Variants in NR1H4 observed in about 807,000 individuals in gnomAD.
NR1H4 encodes nuclear receptor subfamily 1 group H member 4.
Under a neutral mutation model 58.5 loss-of-function variants are expected in NR1H4, and 23 were observed. That is an observed-to-expected ratio of 0.39 (90% CI 0.28 to 0.56). The LOEUF (loss-of-function observed/expected upper bound fraction) is 0.56. NR1H4 is among the 20% of genes least tolerant of loss of function. The pLI is 0.58. For synonymous variants in NR1H4, 214 were observed against 198.0 expected (o/e 1.08, Z -0.68); for missense variants, 487 against 576.9 (o/e 0.84, Z 1.60).
At chr12:100,534,117 C>T (rs1954759496) in intron 5 of NR1H4, among the ~76,000 whole-genome samples, 1 of 151,026 alleles carries the variant, frequency 6.6e-6, no homozygotes, top group East Asian at 1.9e-4. Context: ...AGGATGGTCT[C>T]GATCTCCTGA....
chr12:100,523,774 T>C (rs1954486775), intron 4 of NR1H4, among the ~76,000 whole-genome samples: 1 of 152,234 alleles, frequency 6.6e-6, no homozygotes, highest in Non-Finnish European at 1.5e-5. Context: ...CCCAATTCTT[T>C]ATTCAGCAAA....
intron 1 of NR1H4, among the ~76,000 whole-genome samples, chr12:100,476,249 G>T (rs1233586281): frequency 1.3e-5 from 2 of 152,066 alleles, no homozygotes; most frequent in Admixed American, 6.6e-5. Context: ...GGCGAGGGGG[G>T]ACCAGCCGTT....
chr12:100,527,584 C>T (rs1457042867), intron 4 of NR1H4, among the ~76,000 whole-genome samples: 3 of 152,064 alleles, frequency 2.0e-5, no homozygotes, highest in Non-Finnish European at 4.4e-5. Context: ...AGGTTCACAT[C>T]TAAACTCTAC....
chr12:100,502,461 G>C (rs899213547), intron 3 of NR1H4, among the ~76,000 whole-genome samples: 4 of 152,114 alleles, frequency 2.6e-5, no homozygotes, highest in Non-Finnish European at 5.9e-5. Flanking sequence ...CTCTCTGTGT[G>C]TTCACATCAA....
intron 9 of NR1H4, among the ~76,000 whole-genome samples, chr12:100,560,050 G>T (rs1275196463): frequency 1.3e-5 from 2 of 152,070 alleles, no homozygotes; most frequent in Non-Finnish European, 2.9e-5. Context: ...CTCAAGGTTT[G>T]TGAATGCACC....
intron 1 of NR1H4, among the ~76,000 whole-genome samples, chr12:100,486,389 A>G (rs1343229806): frequency 6.6e-6 from 1 of 152,228 alleles, no homozygotes; most frequent in Non-Finnish European, 1.5e-5. Context: ...TAATTACTAT[A>G]CAAGGAGGAG....
At chr12:100,538,503 C>T (rs1734802020) in intron 8 of NR1H4, among the ~76,000 whole-genome samples, 1 of 152,140 alleles carries the variant, frequency 6.6e-6, no homozygotes, top group Non-Finnish European at 1.5e-5. Flanking sequence ...AGTATAGAAA[C>T]TAGAATGTGG....
chr12:100,525,689 G>T (rs1954537542), intron 4 of NR1H4, among the ~76,000 whole-genome samples: 1 of 152,100 alleles, frequency 6.6e-6, no homozygotes, highest in Non-Finnish European at 1.5e-5. Context: ...TCTATTTTCT[G>T]GAAAAGATTG....
chr12:100,511,601 A>G (rs924830765), intron 4 of NR1H4, among the ~76,000 whole-genome samples: 2 of 152,138 alleles, frequency 1.3e-5, no homozygotes, highest in Non-Finnish European at 2.9e-5. Context: ...AGAAAGAAAG[A>G]GCCAAGTAAT....
chr12:100,504,791 G>A (rs1439228839), intron 3 of NR1H4, among the ~76,000 whole-genome samples: 1 of 152,144 alleles, frequency 6.6e-6, no homozygotes, highest in African/African-American at 2.4e-5. Flanking sequence ...CTGCTCAGAG[G>A]GCACTCTTAG....
intron 4 of NR1H4, among the ~76,000 whole-genome samples, chr12:100,519,894 G>T (rs899179432): frequency 2.0e-5 from 3 of 152,144 alleles, no homozygotes; most frequent in Admixed American, 2.0e-4. Context: ...TGGTCTTCAG[G>T]ATTGGGGGCT....
At chr12:100,474,219 A>G (rs1449009614) in intron 1 of NR1H4, among the ~76,000 whole-genome samples, 160 bp downstream of exon 1, 1 of 152,216 alleles carries the variant, frequency 6.6e-6, no homozygotes, top group Non-Finnish European at 1.5e-5. Flanking sequence ...AAAAAGAGAG[A>G]AACTAAAAAA....
chr12:100,497,488 A>T (rs1314083611), intron 3 of NR1H4, among the ~76,000 whole-genome samples: 1 of 152,194 alleles, frequency 6.6e-6, no homozygotes. Flanking sequence ...AATCAGAGAG[A>T]TGGGGGTTGG....
intron 3 of NR1H4, among the ~76,000 whole-genome samples, chr12:100,500,692 T>C (rs1953814281): frequency 6.6e-6 from 1 of 152,082 alleles, no homozygotes; most frequent in Non-Finnish European, 1.5e-5. Flanking sequence ...TGATAGTGAG[T>C]GAGTTCTCAT....
intron 9 of NR1H4, among the ~76,000 whole-genome samples, chr12:100,546,014 A>T (rs568721577): frequency 1.5e-4 from 23 of 152,126 alleles, no homozygotes; most frequent in Middle Eastern, 3.4e-3. Context: ...TTGGAGAGGG[A>T]CCTAGTCCGA....
In NR1H4 at chr12:100,493,405, A is replaced by T; in HGVS notation, c.79+3A>T. 7.2e-7 allele frequency: 1 copy of T among 1,388,082 alleles called. No individual in the cohort carries two copies. Among genetic ancestry groups the T allele is most frequent in the Non-Finnish European group, 1.0e-6 (1 of 986,692 alleles). The allele number at this position is 1,388,082 out of a possible 1,614,324, so 86.0% of individuals were successfully genotyped here. A position where few individuals can be genotyped will look rare whatever the true frequency, so the allele number is the denominator to read the frequency against. On this transcript the variant is annotated splice_donor_region_variant and intron_variant, in intron 3 of 10. Transcript: ENST00000392986. The stretch of plus-strand genomic sequence containing the variant: ...TTCTTTTTCTGAAAATTTATTTGGT[A>T]AGTTGTCAAGTTCATTTGAATATCA...
At chr12:100,548,093 T>C (rs73380066) in intron 9 of NR1H4, among the ~76,000 whole-genome samples, 11,938 of 148,728 alleles carry the variant, frequency 0.08, 1,103 homozygotes, top group East Asian at 0.44. Flanking sequence ...ATGAGCTGAG[T>C]GCGGTGGCTC....
intron 3 of NR1H4, chr12:100,503,274 TA>T: frequency 7.4e-7 from 1 of 1,346,604 alleles, no homozygotes; most frequent in Non-Finnish European, 9.7e-7. Context: ...ACTTTCCTCA[TA>T]AACATTTACA....
chr12:100,512,607 C>G (rs527683195), intron 4 of NR1H4, among the ~76,000 whole-genome samples: 1 of 151,646 alleles, frequency 6.6e-6, no homozygotes, highest in South Asian at 2.1e-4. Flanking sequence ...CGCCACTGCA[C>G]TCCAGCCTGG....
Sources: allele counts gnomAD v4.1 joint callset (sites outside exome capture counted in the v4.1 genomes callset), GRCh38; gene constraint gnomAD v4.1.1; transcripts MANE v1.5; gene names NCBI Gene and HGNC (gene_info 2026-07-23, HGNC 2026-07-21).